XDH: variants seen among roughly 807,000 people sequenced by gnomAD.
XDH encodes the protein xanthine dehydrogenase/oxidase.
In XDH, 138 loss-of-function variants were observed where a neutral mutation model predicts 156.1. The observed-to-expected ratio is 0.88, with a 90% CI of 0.77 to 1.02. XDH has a LOEUF of 1.02. XDH is among the 50% of genes least tolerant of loss of function. The probability of loss-of-function intolerance (pLI) is 0.00; values close to 1 mark genes in which losing one functional copy is unlikely to be tolerated. For synonymous variants in XDH, 669 were observed against 625.7 expected, an observed-to-expected ratio of 1.07 and a Z score of -1.03; for missense variants, 1,849 against 1,684.9, an observed-to-expected ratio of 1.10 and a Z score of -1.71.
chr2:31,337,562 T>C (rs1684997968), intron 35 of XDH, 79 bp downstream of exon 35: 20 of 1,603,582 alleles, frequency 1.2e-5, no homozygotes, highest in Non-Finnish European at 8.5e-7. Context: ...ACCTCTCCTC[T>C]GTGCAGAACC....
intron 26 of XDH, 50 bp from the exon 27 acceptor site, chr2:31,349,030 C>A (rs758960134): frequency 3.9e-6 from 6 of 1,551,174 alleles, no homozygotes; most frequent in Non-Finnish European, 1.8e-6. Context: ...ATATTGAGGA[C>A]ATGAATATCT....
At position 31,377,096 on chromosome 2, in the gene XDH, T is replaced by C; in HGVS notation, c.1384A>G (p.Arg462Gly). 6.2e-7 allele frequency: 1 copy of C among 1,614,184 alleles called. No homozygotes were observed. The highest frequency in any genetic ancestry group is 1.1e-5 in the South Asian group (1 of 91,078). ...LALCYGGMAN[R>G]TISALKTTQR... ...GTGGTCTTGAGGGCTGAGATGGTTC[T>C]GTTGGCCATTCCACCATAGCAAAGG... Residue 462 changes from arginine (R) to glycine (G), a missense_variant, in exon 14 of 36, where the codon AGA (arginine) becomes GGA (glycine). Physicochemically the swap from Arg to Gly is moderately radical, Grantham distance 125. Transcript: ENST00000379416.
Position 31,366,069 on chromosome 2 carries a change from A to G in XDH, c.2363T>C (p.Ile788Thr), listed in dbSNP as rs764401260. 6 of 1,613,920 alleles carry G rather than the reference A, an allele frequency of 3.7e-6. No homozygotes were observed. Among genetic ancestry groups the G allele is most frequent in the South Asian group, 2.2e-5 (2 of 91,068 alleles). Residue 788 changes from isoleucine (I) to threonine (T), a missense_variant, in exon 22 of 36, where the codon ATT (isoleucine) becomes ACT (threonine). Coordinates refer to ENST00000379416, the MANE Select transcript of XDH (RefSeq NM_000379.4). ...TCCCATTCTCTTCACTCGAACCACA[A>G]TCCGGTTTGCTGGAACCCCCAACAT... ...AKMLGVPANR[I>T]VVRVKRMGGG...
intron 15 of XDH, 84 bp downstream of exon 15, chr2:31,375,296 G>T: frequency 6.4e-7 from 1 of 1,564,200 alleles, no homozygotes; most frequent in Non-Finnish European, 8.8e-7. Context: ...GTCCAGAGGA[G>T]AGGAGCAAAT....
intron 31 of XDH, among the ~76,000 whole-genome samples, 161 bp from the exon 32 acceptor site, chr2:31,342,458 C>T (rs573590184): frequency 6.6e-5 from 10 of 152,298 alleles, no homozygotes; most frequent in Non-Finnish European, 1.5e-4. Context: ...AACCTGTTAA[C>T]GAAACCCAGA....
chr2:31,375,767 A>G (rs1686228572), intron 14 of XDH, among the ~76,000 whole-genome samples: 1 of 152,244 alleles, frequency 6.6e-6, no homozygotes, highest in Admixed American at 6.5e-5. Context: ...AAGACCACCA[A>G]AATAATAACA....
intron 1 of XDH, among the ~76,000 whole-genome samples, chr2:31,413,183 C>T (rs370373687): frequency 6.6e-6 from 1 of 152,186 alleles, no homozygotes; most frequent in Non-Finnish European, 1.5e-5. Context: ...TTGAATCTAG[C>T]TGTTTACCCA....
intron 6 of XDH, among the ~76,000 whole-genome samples, chr2:31,392,061 A>G (rs561173607): frequency 1.3e-5 from 2 of 152,252 alleles, no homozygotes; most frequent in East Asian, 3.9e-4. Context: ...GAATTGTTTT[A>G]TTTCATCTAG....
At chr2:31,371,202 C>G (rs1686061824) in intron 17 of XDH, among the ~76,000 whole-genome samples, 1 of 152,094 alleles carries the variant, frequency 6.6e-6, no homozygotes, top group African/African-American at 2.4e-5. Flanking sequence ...CTGGCACATG[C>G]CCCCATGGGG....
At chr2:31,374,708 G>C (rs1201210204) in intron 15 of XDH, among the ~76,000 whole-genome samples, 1 of 152,000 alleles carries the variant, frequency 6.6e-6, no homozygotes, top group Non-Finnish European at 1.5e-5. Context: ...TCCACTTTGG[G>C]CTCCCTCCAC....
chr2:31,359,637 A>C (rs1012456562), intron 24 of XDH, among the ~76,000 whole-genome samples: 1 of 152,176 alleles, frequency 6.6e-6, no homozygotes, highest in Non-Finnish European at 1.5e-5. Flanking sequence ...CAGTGTTTTT[A>C]TTCTTAGATT....
At chr2:31,360,853 T>G (rs1479483291) in intron 24 of XDH, among the ~76,000 whole-genome samples, 1 of 148,656 alleles carries the variant, frequency 6.7e-6, no homozygotes, top group Non-Finnish European at 1.5e-5. Context: ...GGGAGATGAC[T>G]GTATAACAAG....
chr2:31,388,640 G>C (rs1032600743), intron 6 of XDH, among the ~76,000 whole-genome samples: 19 of 152,178 alleles, frequency 1.2e-4, no homozygotes, highest in Non-Finnish European at 2.8e-4. Context: ...CGTCTATGAG[G>C]GATATTCCCA....
At chr2:31,397,175 C>G (rs1312833852) in intron 6 of XDH, among the ~76,000 whole-genome samples, 2 of 152,202 alleles carry the variant, frequency 1.3e-5, no homozygotes, top group African/African-American at 4.8e-5. Flanking sequence ...GTTATATGAA[C>G]ATTGCAGGGG....
In XDH at chr2:31,366,445, C is replaced by T. The variant is rs45570435; in HGVS notation, c.2323-336G>A. 4.8e-3 allele frequency among the ~76,000 whole-genome samples: 730 copies of T among 152,296 alleles called. 4 individuals are homozygous for T. The highest frequency in any genetic ancestry group is 0.017 in the African/African-American group (705 of 41,554). On this transcript the variant is annotated intron_variant, in intron 21 of 35. Transcript: ENST00000379416. Reference sequence around the variant, plus strand: ...TGTCACATTACAGGCAGTAGAGAAACAAAGAATATTTGAGCTGCTGTAGAT... The same window carrying T: ...TGTCACATTACAGGCAGTAGAGAAATAAAGAATATTTGAGCTGCTGTAGAT...
intron 11 of XDH, among the ~76,000 whole-genome samples, chr2:31,382,008 C>A (rs1277563934): frequency 6.6e-6 from 1 of 152,134 alleles, no homozygotes; most frequent in African/African-American, 2.4e-5. Context: ...CCAACCTTTT[C>A]CCGAAAGGAT....
chr2:31,360,014 T>C (rs979120948), intron 24 of XDH, among the ~76,000 whole-genome samples: 2 of 152,096 alleles, frequency 1.3e-5, no homozygotes, highest in African/African-American at 2.4e-5. Context: ...CCAGAGAAAC[T>C]CCTTTAGTTA....
chr2:31,350,543 T>C lies in XDH; in HGVS notation c.2632-320A>G, dbSNP rs781485586. ...AGGCACGCACCACACGCCCAGCTAA[T>C]TTTTGTATTTTTAGTAGAGATGGGG... On this transcript the variant is annotated intron_variant, in intron 24 of 35. Coordinates refer to ENST00000379416, the MANE Select transcript of XDH (RefSeq NM_000379.4). Among the ~76,000 whole-genome samples, 71 of 151,920 alleles carry C rather than the reference T, an allele frequency of 4.7e-4. 1 individual carries two copies. Among genetic ancestry groups the C allele is most frequent in the Non-Finnish European group, 5.7e-4 (39 of 67,990 alleles).
chr2:31,359,788 G>C (rs1572526276), intron 24 of XDH, among the ~76,000 whole-genome samples: 1 of 152,164 alleles, frequency 6.6e-6, no homozygotes, highest in South Asian at 2.1e-4. Flanking sequence ...TTCGGATTAG[G>C]ATATTGTTTT....
Sources: gnomAD v4.1 joint callset for allele counts (sites outside exome capture counted in the v4.1 genomes callset) on GRCh38, gnomAD v4.1.1 for gene constraint, MANE v1.5 for transcripts, NCBI Gene and HGNC (gene_info 2026-07-23, HGNC 2026-07-21) for gene names.